The following ATXN7L1 variants were observed in gnomAD, a reference collection of about 807,000 sequenced individuals.
ATXN7L1 encodes the protein ataxin 7 like 1, also known as ataxin-7-like protein 1.
ATXN7L1 carries 15 observed loss-of-function variants against 70.8 expected under a neutral mutation model. That is an observed-to-expected ratio of 0.21 (90% CI 0.14 to 0.33). ATXN7L1 has a LOEUF of 0.33. ATXN7L1 is among the 10% of genes least tolerant of loss of function. ATXN7L1 has a pLI of 1.00. For synonymous variants in ATXN7L1, 440 were observed against 445.1 expected (o/e 0.99, Z 0.14); for missense variants, 975 against 1,097.1 (o/e 0.89, Z 1.57).
intron 3 of ATXN7L1, among the ~76,000 whole-genome samples, chr7:105,751,774 T>A (rs1237165070): frequency 6.6e-6 from 1 of 152,248 alleles, no homozygotes; most frequent in Non-Finnish European, 1.5e-5. Flanking sequence ...AGACTACTCA[T>A]CTACCAAGGA....
chr7:105,672,846 T>C (rs781221869), intron 3 of ATXN7L1, among the ~76,000 whole-genome samples: 4 of 152,218 alleles, frequency 2.6e-5, no homozygotes, highest in East Asian at 3.8e-4. Flanking sequence ...CAGCAGCTCA[T>C]ACCATTGCCT....
intron 3 of ATXN7L1, among the ~76,000 whole-genome samples, chr7:105,776,315 C>T (rs1043383337): frequency 3.3e-5 from 5 of 152,180 alleles, no homozygotes; most frequent in African/African-American, 9.7e-5. Flanking sequence ...TTTCCAACTG[C>T]GTCTCAACAG....
chr7:105,727,480 C>T lies in ATXN7L1; in HGVS notation c.355+61124G>A, dbSNP rs190350263. On this transcript the variant is annotated intron_variant, in intron 3 of 11. Transcript: ENST00000419735. ...GGTCAGGAGTTCAAGACCAGCCCGG[C>T]CAACATGGTGAAACCCCACGTCTAC... 1.3e-4 allele frequency among the ~76,000 whole-genome samples: 20 copies of T among 151,598 alleles called. No homozygotes were observed. In the East Asian group the frequency reaches 3.9e-3, roughly 30 times the overall value.
chr7:105,666,532 C>T (rs930103989), intron 3 of ATXN7L1, among the ~76,000 whole-genome samples: 2 of 152,214 alleles, frequency 1.3e-5, no homozygotes, highest in Admixed American at 6.5e-5. Flanking sequence ...TGGCCAGCTG[C>T]GACAGGAGTC....
In ATXN7L1 at chr7:105,624,138, G is replaced by C; in HGVS notation, c.1332C>G (p.Asp444Glu). The change falls in exon 8 of 12, where the codon GAC becomes GAG. Residue 444 changes from aspartate (D) to glutamate (E), a missense_variant. Transcript: ENST00000419735. The stretch of plus-strand genomic sequence containing the variant: ...CTAGCTTCTCGGATTCGTCGGCTCC[G>C]TCCATCTCCCCTTCATCACTGGACA... Reference protein sequence around the residue: ...SRLSSDEGEMDGADESEKLDC... With the variant: ...SRLSSDEGEMEGADESEKLDC... The C allele has an allele frequency of 6.5e-7, 1 of 1,534,420 alleles. No homozygotes were observed. Among genetic ancestry groups the C allele is most frequent in the Non-Finnish European group, 8.8e-7 (1 of 1,137,162 alleles).
chr7:105,697,751 G>T (rs1791929719), intron 3 of ATXN7L1, among the ~76,000 whole-genome samples: 1 of 152,324 alleles, frequency 6.6e-6, no homozygotes, highest in East Asian at 1.9e-4. Flanking sequence ...ACAGGCATAA[G>T]AAATTACAAA....
chr7:105,671,938 A>T (rs1326202924), intron 3 of ATXN7L1, among the ~76,000 whole-genome samples: 1 of 146,594 alleles, frequency 6.8e-6, no homozygotes, highest in Non-Finnish European at 1.5e-5. Flanking sequence ...CTTATGTGCC[A>T]GGCACTCTTC....
At chr7:105,851,362 G>A (rs550276468) in intron 2 of ATXN7L1, among the ~76,000 whole-genome samples, 417 of 152,246 alleles carry the variant, frequency 2.7e-3, no homozygotes, top group African/African-American at 9.5e-3. Context: ...GTTCCTCGAC[G>A]ATCAACTATA....
At chr7:105,678,471 G>A (rs1279925220) in intron 3 of ATXN7L1, among the ~76,000 whole-genome samples, 1 of 152,176 alleles carries the variant, frequency 6.6e-6, no homozygotes, top group African/African-American at 2.4e-5. Context: ...GGCCTGCAGT[G>A]TGCATGCACT....
chr7:105,699,868 T>A (rs1436921822), intron 3 of ATXN7L1, among the ~76,000 whole-genome samples: 1 of 152,210 alleles, frequency 6.6e-6, no homozygotes, highest in Non-Finnish European at 1.5e-5. Context: ...CACTTCTTTT[T>A]ATGTGAAGGC....
At chr7:105,684,669 C>T (rs918226559) in intron 3 of ATXN7L1, among the ~76,000 whole-genome samples, 1 of 152,198 alleles carries the variant, frequency 6.6e-6, no homozygotes, top group Non-Finnish European at 1.5e-5. Context: ...ACATAATCTG[C>T]TCTCCCTCCC....
chr7:105,656,986 AGAG>A (rs1490077254), intron 4 of ATXN7L1, among the ~76,000 whole-genome samples: 1 of 152,228 alleles, frequency 6.6e-6, no homozygotes, highest in Non-Finnish European at 1.5e-5. Context: ...CCTGAACTCT[AGAG>A]TAGTGTTTTT....
At chr7:105,723,851 C>T (rs1795486297) in intron 3 of ATXN7L1, among the ~76,000 whole-genome samples, 1 of 152,168 alleles carries the variant, frequency 6.6e-6, no homozygotes, top group South Asian at 2.1e-4. Context: ...CTTCAAGTGT[C>T]CATGCGGCTG....
At chr7:105,775,984 C>T (rs1368953339) in intron 3 of ATXN7L1, among the ~76,000 whole-genome samples, 6 of 152,160 alleles carry the variant, frequency 3.9e-5, no homozygotes, top group African/African-American at 7.2e-5. Context: ...CCTTGTTCTT[C>T]GTATGGGCTC....
At chr7:105,656,479 T>C (rs1270741359) in intron 4 of ATXN7L1, among the ~76,000 whole-genome samples, 4 of 151,976 alleles carry the variant, frequency 2.6e-5, no homozygotes, top group Admixed American at 2.6e-4. Context: ...AGTACAGGGC[T>C]GGGGATGCTG....
intron 4 of ATXN7L1, among the ~76,000 whole-genome samples, chr7:105,645,523 G>A (rs932886945): frequency 5.3e-5 from 8 of 150,708 alleles, no homozygotes; most frequent in African/African-American, 1.7e-4. Flanking sequence ...TTGGCCACAC[G>A]TGGTGGCTCA....
chr7:105,668,847 C>T (rs1460637371), intron 3 of ATXN7L1, among the ~76,000 whole-genome samples: 1 of 152,064 alleles, frequency 6.6e-6, no homozygotes, highest in Non-Finnish European at 1.5e-5. Context: ...GAGGCTACAG[C>T]AAGTTGTGAT....
chr7:105,624,287 A>G lies in ATXN7L1; in HGVS notation c.1203-20T>C, dbSNP rs765533411. On this transcript the variant is annotated intron_variant, in intron 7 of 11. Coordinates refer to ENST00000419735, the MANE Select transcript of ATXN7L1 (RefSeq NM_020725.2). ...GATGGTCTAAGGGCAAGAGCGGAGAACAAACAAAATAAACCAAATGAACCT... is the reference window on the plus strand; with the variant it reads ...GATGGTCTAAGGGCAAGAGCGGAGAGCAAACAAAATAAACCAAATGAACCT... 2 of 1,352,780 alleles carry G rather than the reference A, an allele frequency of 1.5e-6. No homozygotes were observed. Among genetic ancestry groups the G allele is most frequent in the Non-Finnish European group, 9.6e-7 (1 of 1,038,154 alleles). 83.8% of individuals were successfully genotyped at this position (1,352,780 alleles called of 1,614,324 possible).
intron 3 of ATXN7L1, among the ~76,000 whole-genome samples, chr7:105,668,840 G>T (rs539727617): frequency 6.6e-6 from 1 of 152,082 alleles, no homozygotes; most frequent in Admixed American, 6.6e-5. Flanking sequence ...GGAGGTAGAG[G>T]CTACAGCAAG....
Sources: gnomAD v4.1 joint callset for allele counts (sites outside exome capture counted in the v4.1 genomes callset) on GRCh38, gnomAD v4.1.1 for gene constraint, MANE v1.5 for transcripts, NCBI Gene and HGNC (gene_info 2026-07-23, HGNC 2026-07-21) for gene names.